The following TOX3 variants were observed in gnomAD, a reference collection of about 807,000 sequenced individuals.
TOX3 encodes the protein TOX high mobility group box family member 3.
TOX3 carries 22 observed loss-of-function variants against 64.3 expected under a neutral mutation model. That is an observed-to-expected ratio of 0.34 (90% CI 0.24 to 0.49). TOX3 has a LOEUF of 0.49. Among genes scored for constraint, TOX3 ranks in the 20% least tolerant of loss-of-function variants. The probability of loss-of-function intolerance (pLI) is 0.99; values close to 1 mark genes in which losing one functional copy is unlikely to be tolerated. For missense variants in TOX3, 661 were observed against 714.4 expected (o/e 0.93, Z 0.85); for synonymous variants, 291 against 273.6 (o/e 1.06, Z -0.63).
At chr16:52,507,785 T>G (rs955495454) in intron 1 of TOX3, among the ~76,000 whole-genome samples, 1 of 152,270 alleles carries the variant, frequency 6.6e-6, no homozygotes, top group Non-Finnish European at 1.5e-5. Context: ...AGTGTGTCTA[T>G]GATCTTAATT....
chr16:52,497,206 C>A (rs1228372477), intron 1 of TOX3, among the ~76,000 whole-genome samples: 1 of 152,194 alleles, frequency 6.6e-6, no homozygotes. Context: ...CCCAGTGCAG[C>A]CTTTCTAGGC....
At chr16:52,465,470 G>GTTT (rs34739813) in intron 2 of TOX3, among the ~76,000 whole-genome samples, 8 of 104,000 alleles carry the variant, frequency 7.7e-5, no homozygotes, top group Middle Eastern at 6.3e-3. Flanking sequence ...TTTCTTTTTG[G>GTTT]TTTTTTTTTT....
chr16:52,512,615 T>A (rs946779060), intron 1 of TOX3, among the ~76,000 whole-genome samples: 29 of 152,214 alleles, frequency 1.9e-4, no homozygotes, highest in Admixed American at 3.3e-4. Flanking sequence ...GAATATTAGA[T>A]GAAGGAAGTA....
intron 3 of TOX3, among the ~76,000 whole-genome samples, chr16:52,454,558 T>C (rs1420545): frequency 0.72 from 110,092 of 152,116 alleles, 40,820 homozygotes; most frequent in East Asian, 0.88. Flanking sequence ...ATTCAAGCTC[T>C]TTTAGGGCCA....
At chr16:52,445,187 C>T (rs1276746596) in intron 5 of TOX3, 2 of 152,230 alleles carry the variant, frequency 1.3e-5, no homozygotes, top group African/African-American at 4.8e-5. Context: ...ACAAAACAAG[C>T]TTCTAGGAAT....
intron 1 of TOX3, among the ~76,000 whole-genome samples, chr16:52,525,678 T>G (rs1207023496): frequency 6.6e-6 from 1 of 152,172 alleles, no homozygotes; most frequent in Non-Finnish European, 1.5e-5. Flanking sequence ...AAAATGCAAG[T>G]GCGTGCATGC....
rs372487403 is a variant in TOX3, at chr16:52,439,676, G to A, written c.1280C>T (p.Ala427Val). The A allele has an allele frequency of 1.2e-5, 19 of 1,613,786 alleles. No individual in the cohort carries two copies. In the African/African-American group the frequency reaches 1.7e-4, roughly 15 times the overall value. Residue 427 changes from alanine (A) to valine (V), a missense_variant, in exon 7 of 7, where the codon GCA (alanine) becomes GTA (valine). Ala to Val is a moderately conservative substitution (Grantham distance 64). Coordinates refer to ENST00000219746, the MANE Select transcript of TOX3 (RefSeq NM_001080430.4). ...SSMGTTMVGS[A>V]PSTQVSPSVQ... ...CGAAGGACTCACTTGGGTGGAGGGTGCTGAGCCAACCATGGTCGTTCCCAT... is the reference window on the plus strand; with the variant it reads ...CGAAGGACTCACTTGGGTGGAGGGTACTGAGCCAACCATGGTCGTTCCCAT...
At chr16:52,457,725 C>G (rs1960562274) in intron 3 of TOX3, among the ~76,000 whole-genome samples, 2 of 152,106 alleles carry the variant, frequency 1.3e-5, no homozygotes, top group African/African-American at 2.4e-5. Context: ...TTATGCATAG[C>G]TACTACTTTT....
At chr16:52,544,099 G>A (rs1332095549) in intron 1 of TOX3, among the ~76,000 whole-genome samples, 2 of 152,148 alleles carry the variant, frequency 1.3e-5, no homozygotes, top group African/African-American at 4.8e-5. Flanking sequence ...TTCCCATCCA[G>A]AAAGATAATA....
chr16:52,521,070 G>T (rs1415140896), intron 1 of TOX3, among the ~76,000 whole-genome samples: 1 of 151,892 alleles, frequency 6.6e-6, no homozygotes, highest in Non-Finnish European at 1.5e-5. Flanking sequence ...GTTGTAACTG[G>T]GTCCTGTATG....
rs1959873459 is a variant in TOX3, at chr16:52,439,500, T to C, written c.1456A>G (p.Met486Val). 1 of 1,393,732 alleles carries C rather than the reference T, an allele frequency of 7.2e-7. No homozygotes were observed. The allele number at this position is 1,393,732 out of a possible 1,614,324, so 86.3% of individuals were successfully genotyped here. A position where few individuals can be genotyped will look rare whatever the true frequency, so the allele number is the denominator to read the frequency against. ...TGCTGCTGCTGCAGGTGCTGCTGCA[T>C]GTGGTGCTGGAAATGCTGCTGCTGC... ...QMQQQHFQHH[M>V]QQHLQQQQQH... is the part of the protein sequence containing the mutation. The change falls in exon 7 of 7, where the codon ATG (methionine) becomes GTG (valine). Residue 486 changes from methionine to valine, a missense_variant. Physicochemically the swap from Met to Val is conservative, Grantham distance 21. Transcript: ENST00000219746.
chr16:52,500,007 T>C (rs1438078067), intron 1 of TOX3, among the ~76,000 whole-genome samples: 1 of 152,220 alleles, frequency 6.6e-6, no homozygotes, highest in African/African-American at 2.4e-5. Context: ...TCTGATCCAA[T>C]GTAACAAGAG....
intron 1 of TOX3, among the ~76,000 whole-genome samples, chr16:52,534,907 G>T (rs1174581888): frequency 1.3e-5 from 2 of 152,100 alleles, no homozygotes; most frequent in Non-Finnish European, 2.9e-5. Context: ...GGCCTAAAAT[G>T]CAGGTAATCA....
intron 1 of TOX3, among the ~76,000 whole-genome samples, chr16:52,530,341 CT>C (rs10538952): frequency 0.12 from 17,725 of 146,892 alleles, 2,881 homozygotes; most frequent in African/African-American, 0.37. Context: ...CCCCACCCCA[CT>C]TTTTTTTTTT....
At chr16:52,470,267 G>A (rs1961003857) in intron 1 of TOX3, among the ~76,000 whole-genome samples, 2 of 152,294 alleles carry the variant, frequency 1.3e-5, no homozygotes, top group South Asian at 4.1e-4. Flanking sequence ...CCATGCAAAT[G>A]TTCCTTTTGG....
intron 1 of TOX3, among the ~76,000 whole-genome samples, chr16:52,481,134 G>T (rs2151449065): frequency 6.6e-6 from 1 of 152,286 alleles, no homozygotes. Flanking sequence ...AAATATTACA[G>T]AATCATTGCT....
intron 1 of TOX3, among the ~76,000 whole-genome samples, chr16:52,511,941 G>A (rs182650464): frequency 6.6e-6 from 1 of 152,276 alleles, no homozygotes; most frequent in African/African-American, 2.4e-5. Context: ...ACTCCTGAGG[G>A]AACGAGCAGA....
At position 52,490,626 on chromosome 16, in the gene TOX3, ATTTTTTT is replaced by A. The variant is rs3086679; in HGVS notation, c.88-22059_88-22053del. Among the ~76,000 whole-genome samples the A allele has an allele frequency of 4.0e-5, 4 of 99,060 alleles. 1 individual carries two copies. The highest frequency in any genetic ancestry group is 7.4e-5 in the Non-Finnish European group (4 of 53,916). 65.0% of individuals were successfully genotyped at this position (99,060 alleles called of 152,430 possible). On this transcript the variant is annotated intron_variant, in intron 1 of 6. Coordinates refer to ENST00000219746, the MANE Select transcript of TOX3 (RefSeq NM_001080430.4). ...ACTGAGACCTTCCTTCTAGGATGTA[ATTTTTTT>A]TTTTTTTTTTTTTTAATACAGGGTC...
At chr16:52,538,876 G>A (rs1424751456) in intron 1 of TOX3, among the ~76,000 whole-genome samples, 2 of 152,026 alleles carry the variant, frequency 1.3e-5, no homozygotes, top group East Asian at 1.9e-4. Context: ...AAAATAAAAC[G>A]ATCTACCTCA....
Sources: gnomAD v4.1 joint callset for allele counts (sites outside exome capture counted in the v4.1 genomes callset) on GRCh38, gnomAD v4.1.1 for gene constraint, MANE v1.5 for transcripts, NCBI Gene and HGNC (gene_info 2026-07-23, HGNC 2026-07-21) for gene names.